The following C10orf90 variants were observed in gnomAD, a reference collection of about 807,000 sequenced individuals.
C10orf90 encodes the protein chromosome 10 open reading frame 90, also known as (E2-independent) E3 ubiquitin-conjugating enzyme FATS.
Under a neutral mutation model 62.5 loss-of-function variants are expected in C10orf90, and 56 were observed. The ratio of observed to expected loss-of-function variants is 0.90; its 90% CI spans 0.72 to 1.12. The LOEUF (loss-of-function observed/expected upper bound fraction) is 1.12. C10orf90 is among the 50% of genes most tolerant of loss of function. The pLI is 0.00. For synonymous variants in C10orf90, 386 were observed against 340.4 expected (o/e 1.13, Z -1.47); for missense variants, 970 against 880.4 (o/e 1.10, Z -1.29).
intron 8 of C10orf90, among the ~76,000 whole-genome samples, chr10:126,429,535 C>A (rs1219117650): frequency 1.3e-5 from 2 of 152,226 alleles, no homozygotes; most frequent in African/African-American, 4.8e-5. Flanking sequence ...CTCTTAGAGA[C>A]CAATTACTGG....
At chr10:126,492,092 A>C (rs1247063714) in intron 4 of C10orf90, among the ~76,000 whole-genome samples, 1 of 152,236 alleles carries the variant, frequency 6.6e-6, no homozygotes, top group Non-Finnish European at 1.5e-5. Context: ...TTAGAAGAAA[A>C]ACTGATAGAA....
chr10:126,526,023 AAC>A (rs3040780), intron 2 of C10orf90, among the ~76,000 whole-genome samples: 1,844 of 138,940 alleles, frequency 0.013, 29 homozygotes, highest in African/African-American at 0.036. Context: ...CACCTGCCAC[AAC>A]ACACACACAC....
chr10:126,558,848 C>A (rs532489590), intron 2 of C10orf90, among the ~76,000 whole-genome samples: 16 of 152,334 alleles, frequency 1.1e-4, no homozygotes, highest in Admixed American at 2.6e-4. Flanking sequence ...ATCCCCAGGG[C>A]CCAGCTCAGT....
chr10:126,585,327 G>C (rs1041179748), intron 2 of C10orf90, among the ~76,000 whole-genome samples: 3 of 130,806 alleles, frequency 2.3e-5, no homozygotes, highest in Admixed American at 1.5e-4. Context: ...GGGAGGAAGA[G>C]AGGGAGAGAG....
intron 2 of C10orf90, among the ~76,000 whole-genome samples, chr10:126,644,694 G>A (rs770941670): frequency 6.6e-5 from 10 of 152,200 alleles, no homozygotes; most frequent in Non-Finnish European, 1.0e-4. Context: ...CCCCTCTCCA[G>A]TAGGCATCCA....
Position 126,429,836 on chromosome 10 carries a change from GT to G in C10orf90, c.2202del (p.Lys734AsnfsTer37), listed in dbSNP as rs1182962794. 6.2e-7 allele frequency: 1 copy of G among 1,613,798 alleles called. No homozygotes were observed. The highest frequency in any genetic ancestry group is 1.3e-5 in the African/African-American group (1 of 74,894). The part of the protein sequence containing the change: ...IPHPLSDNLF[K>X]PKERCISEKE... ...TTCTCTGAAATGCACCGTTCTTTGG[GT>G]TTGAACAAGTTATCTGGAAAAAATA... On this transcript the variant is annotated frameshift_variant, in exon 8 of 10. Coordinates refer to ENST00000488181, the MANE Select transcript of C10orf90 (RefSeq NM_001350921.2). LOFTEE classifies it high-confidence loss of function.
chr10:126,578,459 T>C (rs957442746), intron 2 of C10orf90, among the ~76,000 whole-genome samples: 11 of 152,114 alleles, frequency 7.2e-5, no homozygotes, highest in African/African-American at 2.4e-4. Context: ...TCAGGATGGC[T>C]AAAAAGAAAC....
At position 126,564,866 on chromosome 10, in the gene C10orf90, T is replaced by TC. The variant is rs1491369402; in HGVS notation, c.314-50928_314-50927insG. ...TATTATATATTATATAAAATATATA[T>TC]TATATATAATATATAAAATATATTA... is the stretch of plus-strand genomic sequence containing the variant. On this transcript the variant is annotated intron_variant, in intron 2 of 9. Coordinates refer to ENST00000488181, the MANE Select transcript of C10orf90 (RefSeq NM_001350921.2). Among the ~76,000 whole-genome samples, 28 of 3,432 alleles carry TC rather than the reference T, an allele frequency of 8.2e-3. 9 individuals carry two copies. The highest frequency in any genetic ancestry group is 0.017 in the African/African-American group (26 of 1,520). 2.3% of individuals were successfully genotyped at this position (3,432 alleles called of 152,430 possible).
intron 2 of C10orf90, among the ~76,000 whole-genome samples, chr10:126,600,393 T>C (rs1006684672): frequency 5.3e-5 from 8 of 152,170 alleles, no homozygotes; most frequent in South Asian, 2.1e-4. Context: ...CTGAGCCCTG[T>C]TGTGTGCAGA....
chr10:126,451,238 G>A (rs1057450185), intron 7 of C10orf90, among the ~76,000 whole-genome samples: 1 of 152,138 alleles, frequency 6.6e-6, no homozygotes, highest in Admixed American at 6.5e-5. Context: ...CACTGCTGTG[G>A]GGATGTAAAT....
At chr10:126,445,955 T>C (rs1432669882) in intron 7 of C10orf90, among the ~76,000 whole-genome samples, 1 of 151,658 alleles carries the variant, frequency 6.6e-6, no homozygotes, top group Non-Finnish European at 1.5e-5. Context: ...AGCTAAGCTA[T>C]GAGGATGCAA....
At chr10:126,528,234 A>C (rs1864001745) in intron 2 of C10orf90, among the ~76,000 whole-genome samples, 1 of 152,204 alleles carries the variant, frequency 6.6e-6, no homozygotes, top group South Asian at 2.1e-4. Context: ...AGGAAAAAGA[A>C]GGAGCGAACA....
chr10:126,655,406 A>G (rs1318606697), intron 1 of C10orf90, among the ~76,000 whole-genome samples: 3 of 152,196 alleles, frequency 2.0e-5, no homozygotes, highest in Non-Finnish European at 4.4e-5. Context: ...ATATTGTGAG[A>G]ATTTCTAAAA....
intron 4 of C10orf90, among the ~76,000 whole-genome samples, chr10:126,470,565 A>G (rs1255249975): frequency 7.6e-6 from 1 of 132,180 alleles, no homozygotes; most frequent in Non-Finnish European, 1.6e-5. Context: ...CCCTAACTCT[A>G]CTAAAAACTA....
At chr10:126,628,457 T>A (rs1845790037) in intron 2 of C10orf90, among the ~76,000 whole-genome samples, 1 of 152,020 alleles carries the variant, frequency 6.6e-6, no homozygotes, top group Non-Finnish European at 1.5e-5. Context: ...GATTGGATGT[T>A]GTGTTTGTTG....
At position 126,504,423 on chromosome 10, in the gene C10orf90, C is replaced by T; in HGVS notation, c.1068G>A (p.Gln356=). The T allele has an allele frequency of 6.2e-7, 1 of 1,614,226 alleles. No individual in the cohort carries two copies. ...SSCVHLRVSQ[Q]CPDSIYYVDK... is the part of the protein sequence containing the mutation. Reference sequence around the variant, plus strand: ...CTACGTAATAGATTGAATCTGGACACTGCTGAGACACCCTGAGGTGGACAC... The same window carrying T: ...CTACGTAATAGATTGAATCTGGACATTGCTGAGACACCCTGAGGTGGACAC... Residue 356 remains glutamine (Q), a synonymous_variant, in exon 4 of 10, where the codon CAG becomes CAA. Transcript: ENST00000488181. The surrounding 1 kb of genome is among the most constrained non-coding windows in gnomAD (Gnocchi z 4.1).
chr10:126,511,397 T>C (rs1370542312), intron 3 of C10orf90, among the ~76,000 whole-genome samples: 1 of 152,078 alleles, frequency 6.6e-6, no homozygotes, highest in Non-Finnish European at 1.5e-5. Context: ...TCTTAGCCAT[T>C]TTTAAGTGTA....
At chr10:126,484,493 T>C (rs1178652676) in intron 4 of C10orf90, among the ~76,000 whole-genome samples, 1 of 152,172 alleles carries the variant, frequency 6.6e-6, no homozygotes, top group African/African-American at 2.4e-5. Flanking sequence ...CCTGCTTTAT[T>C]TGTGAGTTGA....
chr10:126,554,348 C>T (rs989336459), intron 2 of C10orf90, among the ~76,000 whole-genome samples: 10 of 152,058 alleles, frequency 6.6e-5, no homozygotes, highest in Non-Finnish European at 4.4e-5. Flanking sequence ...AGGAATAGTG[C>T]TTATCTTGGT....
Sources: allele counts gnomAD v4.1 joint callset (sites outside exome capture counted in the v4.1 genomes callset), GRCh38; gene constraint gnomAD v4.1.1; non-coding constraint Gnocchi (gnomAD v3.1); transcripts MANE v1.5; gene names NCBI Gene and HGNC (gene_info 2026-07-23, HGNC 2026-07-21).